ABCA13: variants seen among roughly 807,000 people sequenced by gnomAD.
The protein encoded by ABCA13 is ATP-binding cassette sub-family A member 13.
ABCA13 carries 476 observed loss-of-function variants against 478.7 expected under a neutral mutation model. The observed-to-expected ratio is 0.99, with a 90% CI of 0.92 to 1.07. The LOEUF (loss-of-function observed/expected upper bound fraction) is 1.07. Ranked by LOEUF, ABCA13 falls within the 50% of genes least tolerant of loss-of-function variation. ABCA13 has a pLI of 0.00. For missense variants in ABCA13, 6,060 were observed against 5,910.6 expected, an observed-to-expected ratio of 1.03 and a Z score of -0.83; for synonymous variants, 2,252 against 2,158.9, an observed-to-expected ratio of 1.04 and a Z score of -1.20.
intron 41 of ABCA13, among the ~76,000 whole-genome samples, chr7:48,413,397 T>G (rs1262368086): frequency 6.6e-6 from 1 of 152,176 alleles, no homozygotes; most frequent in Non-Finnish European, 1.5e-5. Flanking sequence ...GGGTTCTTCA[T>G]AGAGTACACT....
At chr7:48,241,153 T>C (rs1790773083) in intron 10 of ABCA13, 87 bp downstream of exon 10, 19 of 1,424,170 alleles carry the variant, frequency 1.3e-5, no homozygotes, top group Non-Finnish European at 1.9e-5. Flanking sequence ...AGAAACACAT[T>C]CTGTAAAACT....
intron 6 of ABCA13, among the ~76,000 whole-genome samples, chr7:48,228,524 G>A (rs114034301): frequency 5.4e-4 from 82 of 152,284 alleles, no homozygotes; most frequent in African/African-American, 1.8e-3. Flanking sequence ...GTAGGCTGGA[G>A]GACCTACCTA....
At chr7:48,346,134 G>A (rs1808061277) in intron 29 of ABCA13, among the ~76,000 whole-genome samples, 1 of 152,134 alleles carries the variant, frequency 6.6e-6, no homozygotes, top group South Asian at 2.1e-4. Flanking sequence ...GTTCACACAC[G>A]ATGAAATTGC....
intron 38 of ABCA13, among the ~76,000 whole-genome samples, chr7:48,400,706 C>G (rs564721373): frequency 1.3e-4 from 20 of 152,330 alleles, no homozygotes; most frequent in African/African-American, 4.8e-4. Flanking sequence ...CTGGGCTTTG[C>G]AATGGGGTTC....
intron 20 of ABCA13, among the ~76,000 whole-genome samples, chr7:48,289,452 G>A (rs764108386): frequency 5.3e-5 from 8 of 150,144 alleles, no homozygotes; most frequent in African/African-American, 1.2e-4. Context: ...TCTGCCTCCC[G>A]GGTTCAAGTG....
chr7:48,280,552 G>A (rs984977285), intron 18 of ABCA13, among the ~76,000 whole-genome samples: 2 of 152,210 alleles, frequency 1.3e-5, no homozygotes, highest in Non-Finnish European at 2.9e-5. Flanking sequence ...GCCCAGAGAT[G>A]CTGCAGCTGT....
Position 48,274,828 on chromosome 7 carries a change from A to C in ABCA13, c.5162A>C (p.His1721Pro), listed in dbSNP as rs1474184516. The C allele has an allele frequency of 6.2e-7, 1 of 1,613,948 alleles. No homozygotes were observed. The highest frequency in any genetic ancestry group is 8.5e-7 in the Non-Finnish European group (1 of 1,179,860). ...GLMEKFADSS[H>P]SWNVNHLLQL... The stretch of plus-strand genomic sequence containing the variant: ...ATGGAAAAATTTGCAGACAGCTCAC[A>C]TTCTTGGAATGTTAATCATCTGCTG... Residue 1721 changes from histidine (H) to proline (P), a missense_variant, in exon 17 of 62, where the codon CAT becomes CCT. His to Pro is a moderately conservative substitution (Grantham distance 77, BLOSUM62 -2). Around this residue, in one of 3 missense-constraint regions of ABCA13, gnomAD observed 4,423 missense variants for 4,309.1 expected, o/e 1.03. Coordinates refer to ENST00000435803, the MANE Select transcript of ABCA13 (RefSeq NM_152701.5).
At chr7:48,304,166 T>C (rs951977669) in intron 23 of ABCA13, among the ~76,000 whole-genome samples, 4 of 152,240 alleles carry the variant, frequency 2.6e-5, no homozygotes, top group African/African-American at 9.6e-5. Context: ...TAAAGTCTAC[T>C]TTACAAAATA....
rs557641798 is a variant in ABCA13 at position 48,289,337 on chromosome 7, A to G, written c.8955+1259A>G. ...GTCAGGTATTAAATGTGGATACAGG[A>G]AAAAAAAAAGCCCCACAGACAATTT... On this transcript the variant is annotated intron_variant, in intron 20 of 61. Transcript: ENST00000435803. Among the ~76,000 whole-genome samples, 10 of 147,914 alleles carry G rather than the reference A, an allele frequency of 6.8e-5. No homozygotes were observed. In the East Asian group the frequency reaches 1.8e-3, roughly 27 times the overall value.
In ABCA13 at chr7:48,637,381, C is replaced by CAAAAA. The variant is rs1156643955; in HGVS notation, c.14838-5886_14838-5882dup. Among the ~76,000 whole-genome samples, 181 of 20,258 alleles carry CAAAAA rather than the reference C, an allele frequency of 8.9e-3. 11 individuals are homozygous for CAAAAA. Among genetic ancestry groups the CAAAAA allele is most frequent in the African/African-American group, 0.02 (99 of 4,920 alleles). 13.3% of individuals were successfully genotyped at this position (20,258 alleles called of 152,430 possible). A position where few individuals can be genotyped will look rare whatever the true frequency, so the allele number is the denominator to read the frequency against. On this transcript the variant is annotated intron_variant, in intron 59 of 61. Coordinates refer to ENST00000435803, the MANE Select transcript of ABCA13 (RefSeq NM_152701.5). ...TGTTTTCTTTATTATGTTCATAAAGCAAAAAAAAAAAAAAAAAAAAAAAAA... is the reference window on the plus strand; with the variant it reads ...TGTTTTCTTTATTATGTTCATAAAGCAAAAAAAAAAAAAAAAAAAAAAAAAAAAAA...
At position 48,559,843 on chromosome 7, in the gene ABCA13, A is replaced by G. The variant is rs762626269; in HGVS notation, c.14355-20381A>G. 1.3e-4 allele frequency among the ~76,000 whole-genome samples: 20 copies of G among 152,158 alleles called. 1 individual carries two copies. Among genetic ancestry groups the G allele is most frequent in the Non-Finnish European group, 2.8e-4 (19 of 68,018 alleles). On this transcript the variant is annotated intron_variant, in intron 55 of 61. Transcript: ENST00000435803. ...AAATGTCATCCCGGAGCAAAGGCCT[A>G]GATTGGAGGCCTCATGAATTTGCCT...
intron 4 of ABCA13, 118 bp from the exon 5 acceptor site, chr7:48,221,163 G>A: frequency 1.8e-6 from 1 of 542,798 alleles, no homozygotes; most frequent in Non-Finnish European, 3.3e-6. Flanking sequence ...TGGTGTATTT[G>A]ATTTTTGGGC....
chr7:48,546,811 A>G (rs779817384), intron 55 of ABCA13, among the ~76,000 whole-genome samples: 1 of 151,728 alleles, frequency 6.6e-6, no homozygotes, highest in Non-Finnish European at 1.5e-5. Flanking sequence ...CCAATGCACT[A>G]CCAATATATA....
At chr7:48,335,005 T>C (rs1216121893) in intron 27 of ABCA13, among the ~76,000 whole-genome samples, 1 of 152,212 alleles carries the variant, frequency 6.6e-6, no homozygotes, top group Non-Finnish European at 1.5e-5. Context: ...ACTCTGCCAG[T>C]AGCAATAAAT....
intron 55 of ABCA13, among the ~76,000 whole-genome samples, chr7:48,554,255 A>G (rs1392667772): frequency 1.3e-5 from 2 of 151,872 alleles, no homozygotes; most frequent in Non-Finnish European, 2.9e-5. Context: ...AAGTCAGGTA[A>G]AGTGATTCCT....
Position 48,374,356 on chromosome 7 carries a change from T to C in ABCA13, c.11143T>C (p.Ser3715Pro). Residue 3715 changes from serine (S) to proline (P), a missense_variant, in exon 34 of 62, where the codon TCG (serine) becomes CCG (proline). Around this residue, in one of 3 missense-constraint regions of ABCA13, gnomAD observed 4,423 missense variants for 4,309.1 expected, o/e 1.03. Transcript: ENST00000435803. ...FVNQTFLCLL[S>P]TTAFGQGVFF... ...ATCAATCTGTGGGCAGTGCCTTCTT[T>C]CGACAACCGCCTTTGGACAAGGGGT... 6.2e-7 allele frequency: 1 copy of C among 1,609,866 alleles called. No homozygotes were observed. The highest frequency in any genetic ancestry group is 8.5e-7 in the Non-Finnish European group (1 of 1,178,398).
At chr7:48,320,350 T>C (rs1419579357) in intron 27 of ABCA13, among the ~76,000 whole-genome samples, 1 of 152,228 alleles carries the variant, frequency 6.6e-6, no homozygotes, top group Non-Finnish European at 1.5e-5. Context: ...TTTTACTGTT[T>C]GCATTGATTT....
intron 38 of ABCA13, among the ~76,000 whole-genome samples, chr7:48,397,635 C>A (rs1163938290): frequency 6.6e-6 from 1 of 152,198 alleles, no homozygotes; most frequent in Admixed American, 6.5e-5. Context: ...TGCACCACTG[C>A]ATTGCACAGT....
At chr7:48,574,098 C>G (rs193004123) in intron 55 of ABCA13, among the ~76,000 whole-genome samples, 2 of 151,856 alleles carry the variant, frequency 1.3e-5, no homozygotes, top group Non-Finnish European at 2.9e-5. Flanking sequence ...GGAGTTAGGA[C>G]CCCAATATTA....
Sources: allele counts gnomAD v4.1 joint callset (sites outside exome capture counted in the v4.1 genomes callset), GRCh38; gene constraint gnomAD v4.1.1; regional missense constraint gnomAD v4.1.1; transcripts MANE v1.5; gene names NCBI Gene and HGNC (gene_info 2026-07-23, HGNC 2026-07-21).